APOBEC3D: variants seen among roughly 807,000 people sequenced by gnomAD.
APOBEC3D encodes the protein apolipoprotein B mRNA editing enzyme catalytic subunit 3D, also known as DNA dC->dU-editing enzyme APOBEC-3D.
APOBEC3D carries 37 observed loss-of-function variants against 45.6 expected under a neutral mutation model. The ratio of observed to expected loss-of-function variants is 0.81; its 90% CI spans 0.62 to 1.07. The LOEUF is 1.07. Ranked by LOEUF, APOBEC3D falls within the 50% of genes least tolerant of loss-of-function variation. The probability of loss-of-function intolerance (pLI) is 0.00; values close to 1 mark genes in which losing one functional copy is unlikely to be tolerated. For synonymous variants in APOBEC3D, 175 were observed against 180.7 expected, an observed-to-expected ratio of 0.97 and a Z score of 0.25; for missense variants, 496 against 495.3, an observed-to-expected ratio of 1.00 and a Z score of -0.01.
In APOBEC3D at chr22:39,032,515, C is replaced by T; in HGVS notation, c.*199C>T. 4 of 1,383,986 alleles carry T rather than the reference C, an allele frequency of 2.9e-6. No homozygotes were observed. The highest frequency in any genetic ancestry group is 6.1e-5 in the Admixed American group (2 of 32,854). 85.7% of individuals were successfully genotyped at this position (1,383,986 alleles called of 1,614,324 possible). On this transcript the variant is annotated 3_prime_UTR_variant, in exon 7 of 7. Transcript: ENST00000216099. ...GCTCTTCTTGTAGAGGCTCTCCATCCACCTCCCCAGTCCTGTTCCCCCAGC... is the reference window on the plus strand; with the variant it reads ...GCTCTTCTTGTAGAGGCTCTCCATCTACCTCCCCAGTCCTGTTCCCCCAGC...
chr22:39,031,840 C>T lies in APOBEC3D; in HGVS notation c.909C>T (p.Phe303=), dbSNP rs1926247394. The change falls in exon 6 of 7, where the codon TTC becomes TTT. Residue 303 remains phenylalanine (F), a synonymous_variant. Coordinates refer to ENST00000216099, the MANE Select transcript of APOBEC3D (RefSeq NM_152426.4). The part of the protein sequence containing the change: ...CPECAGEVAE[F]LARHSNVNLT... ...AGTGTGCAGGGGAGGTGGCCGAGTT[C>T]CTGGCCAGGCACAGCAACGTGAATC... is the stretch of plus-strand genomic sequence containing the variant. 3.1e-6 allele frequency: 5 copies of T among 1,614,144 alleles called. No homozygotes were observed. In the African/African-American group the frequency reaches 5.3e-5, roughly 17 times the overall value.
In APOBEC3D at chr22:39,025,260, G is replaced by T. The variant is rs762876801; in HGVS notation, c.401G>T (p.Arg134Leu). The T allele has an allele frequency of 6.2e-7, 1 of 1,614,086 alleles. No homozygotes were observed. Among genetic ancestry groups the T allele is most frequent in the Admixed American group, 1.7e-5 (1 of 60,022 alleles). ...GTCACCCTGACCATCTCTGCCGCCC[G>T]CCTCTACTACTACCGGGATAGAGAT... Reference protein sequence around the residue: ...PNVTLTISAARLYYYRDRDWR... With the variant: ...PNVTLTISAALLYYYRDRDWR... The change falls in exon 3 of 7, where the codon CGC (arginine) becomes CTC (leucine). Residue 134 changes from arginine to leucine, a missense_variant. By Grantham distance (102) the Arg-to-Leu change is moderately radical. Coordinates refer to ENST00000216099, the MANE Select transcript of APOBEC3D (RefSeq NM_152426.4).
intron 4 of APOBEC3D, among the ~76,000 whole-genome samples, chr22:39,027,842 C>G (rs1925829794): frequency 6.6e-6 from 1 of 152,222 alleles, no homozygotes; most frequent in Non-Finnish European, 1.5e-5. Context: ...TGGGCCATCT[C>G]CCCCACCTGC....
chr22:39,027,064 G>C (rs564879409), intron 4 of APOBEC3D, among the ~76,000 whole-genome samples: 3 of 152,152 alleles, frequency 2.0e-5, no homozygotes, highest in Non-Finnish European at 4.4e-5. Flanking sequence ...CCAGGGACCA[G>C]AGAGGCCCTA....
intron 5 of APOBEC3D, among the ~76,000 whole-genome samples, chr22:39,030,665 ACCTTCAACT>A (rs1926120036): frequency 6.9e-6 from 1 of 144,876 alleles, no homozygotes; most frequent in Non-Finnish European, 1.5e-5. Context: ...CCTTTGGCCA[ACCTTCAACT>A]CCATGGGACA....
In APOBEC3D at chr22:39,025,102, G is replaced by A. The variant is rs1925499810; in HGVS notation, c.243G>A (p.Met81Ile). The change falls in exon 3 of 7, where the codon ATG becomes ATA. Residue 81 changes from methionine to isoleucine, a missense_variant. By Grantham distance (10) the Met-to-Ile change is conservative. Transcript: ENST00000216099. ...TCCGGTTTGAGAACCACGCAGAAATGTGCTTCTTATCTTGGTTCTGTGGCA... is the reference window on the plus strand; with the variant it reads ...TCCGGTTTGAGAACCACGCAGAAATATGCTTCTTATCTTGGTTCTGTGGCA... The part of the protein sequence containing the change: ...VYFRFENHAE[M>I]CFLSWFCGNR... 5 of 1,581,314 alleles carry A rather than the reference G, an allele frequency of 3.2e-6. No individual in the cohort carries two copies. In the African/African-American group the frequency reaches 4.1e-5, roughly 13 times the overall value.
At position 39,032,548 on chromosome 22, in the gene APOBEC3D, C is replaced by G. The variant is rs947982671; in HGVS notation, c.*232C>G. On this transcript the variant is annotated 3_prime_UTR_variant, in exon 7 of 7. Coordinates refer to ENST00000216099, the MANE Select transcript of APOBEC3D (RefSeq NM_152426.4). ...CAGTCCTGTTCCCCCAGCCTGGGTG[C>G]CCCTAACTTGACTCTTCCCATCTCC... is the stretch of plus-strand genomic sequence containing the variant. The G allele has an allele frequency of 4.3e-5, 55 of 1,268,116 alleles. No homozygotes were observed. The highest frequency in any genetic ancestry group is 5.5e-5 in the Non-Finnish European group (55 of 1,006,512). The allele number at this position is 1,268,116 out of a possible 1,614,324, so 78.6% of individuals were successfully genotyped here.
chr22:39,024,559 T>A (rs1925438929), intron 2 of APOBEC3D, among the ~76,000 whole-genome samples: 1 of 152,302 alleles, frequency 6.6e-6, no homozygotes, highest in African/African-American at 2.4e-5. Flanking sequence ...GCTCGAGTTC[T>A]GGACTCCAGG....
intron 4 of APOBEC3D, 107 bp downstream of exon 4, chr22:39,025,778 C>T: frequency 6.3e-7 from 1 of 1,582,648 alleles, no homozygotes; most frequent in South Asian, 1.2e-5. Context: ...GCCCCCCTGC[C>T]TGCCCTCATG....
rs8139110 is a variant in APOBEC3D, at chr22:39,033,204, A to G, written c.*888A>G. Reference sequence around the variant, plus strand: ...AGAACTCCAGTTTGAGCAACAGATCAAGACCCTGCCTGAAAATAAATCAAT... The same window carrying G: ...AGAACTCCAGTTTGAGCAACAGATCGAGACCCTGCCTGAAAATAAATCAAT... On this transcript the variant is annotated 3_prime_UTR_variant, in exon 7 of 7. Coordinates refer to ENST00000216099, the MANE Select transcript of APOBEC3D (RefSeq NM_152426.4). 512,330 of 946,542 alleles carry G rather than the reference A, an allele frequency of 0.54. 139,845 individuals carry two copies. Among genetic ancestry groups the G allele is most frequent in the East Asian group, 0.7 (6,017 of 8,620 alleles). 58.6% of individuals were successfully genotyped at this position (946,542 alleles called of 1,614,324 possible).
chr22:39,028,951 T>C (rs772688749), intron 4 of APOBEC3D, among the ~76,000 whole-genome samples: 1 of 152,092 alleles, frequency 6.6e-6, no homozygotes, highest in Non-Finnish European at 1.5e-5. Flanking sequence ...ATAAATTCGC[T>C]GTGATCCCGA....
At chr22:39,024,390 A>G (rs1925424710) in intron 2 of APOBEC3D, among the ~76,000 whole-genome samples, 1 of 152,150 alleles carries the variant, frequency 6.6e-6, no homozygotes, top group African/African-American at 2.4e-5. Flanking sequence ...TGCCTGGTGA[A>G]TGGATGCCTG....
At chr22:39,023,105 TTCTA>T in intron 2 of APOBEC3D, 91 bp downstream of exon 2, 3 of 801,236 alleles carry the variant, frequency 3.7e-6, no homozygotes, top group Non-Finnish European at 3.2e-6. Context: ...TATTTATTTT[TTCTA>T]TTTATTTATT....
In APOBEC3D at chr22:39,023,015, G is replaced by GT; in HGVS notation, c.210+2dup. 1 of 1,581,558 alleles carries GT rather than the reference G, an allele frequency of 6.3e-7. No individual in the cohort carries two copies. Among genetic ancestry groups the GT allele is most frequent in the Non-Finnish European group, 8.6e-7 (1 of 1,162,820 alleles). On this transcript the variant is annotated splice_donor_variant, in intron 2 of 6. Transcript: ENST00000216099. LOFTEE classifies it high-confidence loss of function. ...ACGTCAGTCGAATCACAGGCAGGAG[G>GT]TAAGCAGCTGGGAATGCAGAAAACA...
In APOBEC3D at chr22:39,032,491, CTCT is replaced by C; in HGVS notation, c.*180_*182del. 7.1e-7 allele frequency: 1 copy of C among 1,412,528 alleles called. No individual in the cohort carries two copies. The highest frequency in any genetic ancestry group is 9.2e-7 in the Non-Finnish European group (1 of 1,087,572). 87.5% of individuals were successfully genotyped at this position (1,412,528 alleles called of 1,614,324 possible). A position where few individuals can be genotyped will look rare whatever the true frequency, so the allele number is the denominator to read the frequency against. On this transcript the variant is annotated 3_prime_UTR_variant, in exon 7 of 7. Transcript: ENST00000216099. ...ACCACCTCCTCCCCGCTCTCCCAGG[CTCT>C]TCTTGTAGAGGCTCTCCATCCACCT... is the stretch of plus-strand genomic sequence containing the variant.
chr22:39,021,574 C>T (rs1252026626), intron 1 of APOBEC3D, 38 bp downstream of exon 1: 12 of 1,611,568 alleles, frequency 7.4e-6, no homozygotes, highest in Non-Finnish European at 1.0e-5. Context: ...CCCCTCCGGC[C>T]CCTTCCTTCT....
In APOBEC3D at chr22:39,027,650, C is replaced by T. The variant is rs189963611; in HGVS notation, c.606-1713C>T. Among the ~76,000 whole-genome samples the T allele has an allele frequency of 6.4e-4, 98 of 152,332 alleles. 1 individual carries two copies. The East Asian group carries it at 0.018, about 28-fold the overall frequency. On this transcript the variant is annotated intron_variant, in intron 4 of 6. Coordinates refer to ENST00000216099, the MANE Select transcript of APOBEC3D (RefSeq NM_152426.4). ...TACACATGAAGCCTCAGATCAGGGA[C>T]CACTGCCCGTTCTGCCCATGGGGCC... is the stretch of plus-strand genomic sequence containing the variant.
intron 4 of APOBEC3D, among the ~76,000 whole-genome samples, chr22:39,027,415 C>G (rs1291906654): frequency 6.6e-6 from 1 of 152,130 alleles, no homozygotes; most frequent in African/African-American, 2.4e-5. Flanking sequence ...GGGGGCGTCC[C>G]TGGGATGATT....
intron 4 of APOBEC3D, among the ~76,000 whole-genome samples, chr22:39,027,733 C>T (rs1240051217): frequency 6.6e-6 from 1 of 152,200 alleles, no homozygotes; most frequent in Non-Finnish European, 1.5e-5. Context: ...CCTCCCCCTG[C>T]CCCAGCCCTG....
Sources: gnomAD v4.1 joint callset for allele counts (sites outside exome capture counted in the v4.1 genomes callset) on GRCh38, gnomAD v4.1.1 for gene constraint, MANE v1.5 for transcripts, NCBI Gene and HGNC (gene_info 2026-07-23, HGNC 2026-07-21) for gene names.